Variants in CSMD3 observed in about 807,000 individuals in gnomAD.
The protein encoded by CSMD3 is CUB and sushi domain-containing protein 3.
In CSMD3, 177 loss-of-function variants were observed where a neutral mutation model predicts 435.2. The ratio of observed to expected loss-of-function variants is 0.41; its 90% CI spans 0.36 to 0.46. The LOEUF (loss-of-function observed/expected upper bound fraction) is 0.46. Among genes scored for constraint, CSMD3 ranks in the 20% least tolerant of loss-of-function variants. The pLI is 0.34. For missense variants in CSMD3, 4,265 were observed against 4,504.6 expected, an observed-to-expected ratio of 0.95 and a Z score of 1.52; for synonymous variants, 1,656 against 1,520.5, an observed-to-expected ratio of 1.09 and a Z score of -2.07.
At chr8:112,988,415 A>T (rs1356042097) in intron 6 of CSMD3, among the ~76,000 whole-genome samples, 1 of 152,078 alleles carries the variant, frequency 6.6e-6, no homozygotes, top group Non-Finnish European at 1.5e-5. Context: ...ATTTAGTTTA[A>T]GGGTGAAGTT....
intron 2 of CSMD3, among the ~76,000 whole-genome samples, chr8:113,308,244 T>C (rs1588486459): frequency 7.0e-6 from 1 of 142,918 alleles, no homozygotes; most frequent in Admixed American, 7.0e-5. Flanking sequence ...AAATATCCAG[T>C]AAATCATTTA....
intron 13 of CSMD3, among the ~76,000 whole-genome samples, chr8:112,718,234 G>C (rs191471774): frequency 6.6e-6 from 1 of 152,050 alleles, no homozygotes; most frequent in East Asian, 1.9e-4. Context: ...TAGTGAGCCT[G>C]AAGATCTAAA....
chr8:113,420,976 G>C, intron 1 of CSMD3, among the ~76,000 whole-genome samples: 1 of 151,502 alleles, frequency 6.6e-6, no homozygotes, highest in Non-Finnish European at 1.5e-5. Flanking sequence ...ATGATGACTT[G>C]TATAAATATT....
At chr8:113,240,808 A>G (rs991837811) in intron 3 of CSMD3, among the ~76,000 whole-genome samples, 5 of 152,146 alleles carry the variant, frequency 3.3e-5, no homozygotes, top group African/African-American at 1.2e-4. Context: ...CCAAAGAAAA[A>G]TGACATGTGA....
At chr8:112,747,962 C>CAAAA (rs71309788) in intron 13 of CSMD3, among the ~76,000 whole-genome samples, 46 of 96,746 alleles carry the variant, frequency 4.8e-4, no homozygotes, top group African/African-American at 1.1e-3. Context: ...GACTCCGTCT[C>CAAAA]AAAAAAAAAA....
chr8:112,743,452 T>C (rs1363260463), intron 13 of CSMD3, among the ~76,000 whole-genome samples: 1 of 151,932 alleles, frequency 6.6e-6, no homozygotes, highest in East Asian at 1.9e-4. Context: ...AATTTCTAAA[T>C]AACGCTATGG....
At chr8:112,858,070 A>T (rs1265507590) in intron 11 of CSMD3, among the ~76,000 whole-genome samples, 2 of 151,688 alleles carry the variant, frequency 1.3e-5, no homozygotes, top group African/African-American at 4.8e-5. Context: ...GACAAATCTA[A>T]TAGTCCCTTG....
chr8:112,928,675 T>C (rs2082993366), intron 9 of CSMD3, among the ~76,000 whole-genome samples: 1 of 149,666 alleles, frequency 6.7e-6, no homozygotes, highest in Non-Finnish European at 1.5e-5. Context: ...ATTTTCTTAA[T>C]CCAGTCTATC....
intron 1 of CSMD3, among the ~76,000 whole-genome samples, chr8:113,404,943 C>T (rs1050940653): frequency 3.3e-5 from 5 of 151,314 alleles, no homozygotes; most frequent in Admixed American, 2.0e-4. Flanking sequence ...ACTACTAGGT[C>T]GTAGTTATAT....
At chr8:113,103,475 T>G (rs2090387594) in intron 4 of CSMD3, among the ~76,000 whole-genome samples, 1 of 152,132 alleles carries the variant, frequency 6.6e-6, no homozygotes, top group Admixed American at 6.6e-5. Context: ...AACCACAAAT[T>G]CAGCTAATGG....
rs117804950 is a variant in CSMD3, at chr8:112,388,274, T to A, written c.5934+2390A>T. On this transcript the variant is annotated intron_variant, in intron 36 of 70. Transcript: ENST00000297405. The stretch of plus-strand genomic sequence containing the variant: ...AAGAGATAAGGAGATTGGAGACAAC[T>A]GAGGTATTAGATACAAGAAAATGAT... 3.0e-3 allele frequency among the ~76,000 whole-genome samples: 456 copies of A among 152,214 alleles called. 2 individuals are homozygous for A. Among genetic ancestry groups the A allele is most frequent in the Non-Finnish European group, 3.8e-3 (260 of 67,984 alleles).
Position 113,416,660 on chromosome 8 carries a change from C to T in CSMD3, c.178+20017G>A, listed in dbSNP as rs138256920. On this transcript the variant is annotated intron_variant, in intron 1 of 70. Coordinates refer to ENST00000297405, the MANE Select transcript of CSMD3 (RefSeq NM_198123.2). ...AGTGTACCATTTCTATCACCTTCTG[C>T]GTCCTTCCCACTTAACCAAGAAGTA... Among the ~76,000 whole-genome samples the T allele has an allele frequency of 8.7e-4, 133 of 152,198 alleles. 2 individuals are homozygous for T. In the East Asian group the frequency reaches 0.019, roughly 21 times the overall value.
chr8:112,786,731 T>TA (rs571554278), intron 13 of CSMD3, among the ~76,000 whole-genome samples: 33 of 152,180 alleles, frequency 2.2e-4, no homozygotes, highest in Admixed American at 1.9e-3. Context: ...GTCACTCTGA[T>TA]AAAAAAGACT....
intron 1 of CSMD3, among the ~76,000 whole-genome samples, chr8:113,347,256 G>A (rs2094158302): frequency 6.6e-6 from 1 of 152,052 alleles, no homozygotes; most frequent in Non-Finnish European, 1.5e-5. Flanking sequence ...TTTCTTCACT[G>A]CAGAAACAAT....
intron 47 of CSMD3, among the ~76,000 whole-genome samples, chr8:112,315,644 C>T (rs1027752285): frequency 1.3e-5 from 2 of 151,742 alleles, no homozygotes; most frequent in Admixed American, 1.3e-4. Flanking sequence ...AAATGTCTTA[C>T]GAACATAATT....
At chr8:113,141,354 A>G (rs976729959) in intron 4 of CSMD3, among the ~76,000 whole-genome samples, 22 of 150,714 alleles carry the variant, frequency 1.5e-4, no homozygotes, top group Middle Eastern at 3.2e-3. Context: ...ATCAAACTAG[A>G]AAAAAACTAT....
intron 1 of CSMD3, among the ~76,000 whole-genome samples, chr8:113,355,798 T>TGTGC (rs1377455935): frequency 8.8e-6 from 1 of 113,996 alleles, no homozygotes; most frequent in African/African-American, 2.8e-5. Flanking sequence ...TGTGTGTTTG[T>TGTGC]CAACTATACA....
chr8:113,390,133 T>G (rs1335140213), intron 1 of CSMD3, among the ~76,000 whole-genome samples: 2 of 151,864 alleles, frequency 1.3e-5, no homozygotes, highest in Non-Finnish European at 2.9e-5. Context: ...CTATGGAATA[T>G]AAGATTCTCT....
intron 11 of CSMD3, among the ~76,000 whole-genome samples, chr8:112,846,882 G>A (rs913346279): frequency 6.6e-6 from 1 of 152,050 alleles, no homozygotes; most frequent in Non-Finnish European, 1.5e-5. Context: ...ATACAGATAT[G>A]GTTCACTTAA....
Sources: gnomAD v4.1 joint callset for allele counts (sites outside exome capture counted in the v4.1 genomes callset) on GRCh38, gnomAD v4.1.1 for gene constraint, MANE v1.5 for transcripts, NCBI Gene and HGNC (gene_info 2026-07-23, HGNC 2026-07-21) for gene names.